NR1D1: variants seen among roughly 807,000 people sequenced by gnomAD.
NR1D1 encodes nuclear receptor subfamily 1 group D member 1, also known as Rev-ErbAalpha.
In NR1D1, 17 loss-of-function variants were observed where a neutral mutation model predicts 51.1. The observed-to-expected ratio is 0.33, with a 90% CI of 0.23 to 0.50. NR1D1 has a LOEUF of 0.50. NR1D1 is among the 20% of genes least tolerant of loss of function. NR1D1 has a pLI of 0.98. For missense variants in NR1D1, 647 were observed against 830.4 expected (o/e 0.78, Z 2.71); for synonymous variants, 341 against 333.4 (o/e 1.02, Z -0.25).
At position 40,096,995 on chromosome 17, in the gene NR1D1, C is replaced by T. The variant is rs778091793; in HGVS notation, c.370+70G>A. 2.1e-5 allele frequency: 30 copies of T among 1,437,318 alleles called. No homozygotes were observed. The Middle Eastern group carries it at 6.0e-4, about 29-fold the overall frequency. The allele number at this position is 1,437,318 out of a possible 1,614,324, so 89.0% of individuals were successfully genotyped here. On this transcript the variant is annotated intron_variant, in intron 2 of 7. Coordinates refer to ENST00000246672, the MANE Select transcript of NR1D1 (RefSeq NM_021724.5). ...ATAGGTCCTGGCAAGACTGGTGTCACGTAAAAACCCATTCCCAATCTGGCC... is the reference window on the plus strand; with the variant it reads ...ATAGGTCCTGGCAAGACTGGTGTCATGTAAAAACCCATTCCCAATCTGGCC...
At chr17:40,095,210 G>T in intron 5 of NR1D1, 90 bp from the exon 6 acceptor site, 1 of 1,353,656 alleles carries the variant, frequency 7.4e-7, no homozygotes, top group Non-Finnish European at 1.0e-6. Context: ...GATTCTGCCT[G>T]GGCTAGGGGC....
chr17:40,099,363 C>T (rs1987830942), intron 1 of NR1D1, among the ~76,000 whole-genome samples: 1 of 152,166 alleles, frequency 6.6e-6, no homozygotes, highest in African/African-American at 2.4e-5. Context: ...GGGCGGAGCT[C>T]ATTATGTAAC....
In NR1D1 at chr17:40,100,414, C is replaced by T. The variant is rs1365048362; in HGVS notation, c.-320G>A. ...TCTGCAGTGTACGGGGTGCCTCTGC[C>T]TGCCGGCTCCGCAGCGCTGCGGGGT... is the stretch of plus-strand genomic sequence containing the variant. On this transcript the variant is annotated 5_prime_UTR_variant, in exon 1 of 8. Coordinates refer to ENST00000246672, the MANE Select transcript of NR1D1 (RefSeq NM_021724.5). 5 of 464,956 alleles carry T rather than the reference C, an allele frequency of 1.1e-5. No individual in the cohort carries two copies. Among genetic ancestry groups the T allele is most frequent in the Middle Eastern group, 5.5e-4 (1 of 1,824 alleles). 28.8% of individuals were successfully genotyped at this position (464,956 alleles called of 1,614,324 possible).
At chr17:40,099,110 GCTGGGC>G (rs1478154598) in intron 1 of NR1D1, among the ~76,000 whole-genome samples, 57 of 151,924 alleles carry the variant, frequency 3.8e-4, no homozygotes, top group Non-Finnish European at 6.6e-4. Flanking sequence ...CAGGGCGGGA[GCTGGGC>G]CCTCAGCCGG....
intron 1 of NR1D1, among the ~76,000 whole-genome samples, chr17:40,099,566 C>G (rs1987835306): frequency 6.6e-6 from 1 of 152,090 alleles, no homozygotes; most frequent in Non-Finnish European, 1.5e-5. Context: ...CTGAGGATTC[C>G]CCAGTGAGAT....
chr17:40,099,997 T>C (rs892750498), intron 1 of NR1D1, 67 bp downstream of exon 1: 2 of 1,189,724 alleles, frequency 1.7e-6, no homozygotes, highest in African/African-American at 1.5e-5. Flanking sequence ...TTCCTCTTTT[T>C]ATAAGGCGTA....
chr17:40,097,044 A>G (rs1407369590), intron 2 of NR1D1, 21 bp downstream of exon 2: 1 of 1,565,044 alleles, frequency 6.4e-7, no homozygotes, highest in Admixed American at 1.9e-5. Context: ...CTTCCCCCGA[A>G]TCAGCTGGAA....
Position 40,096,060 on chromosome 17 carries a change from C to G in NR1D1, c.632G>C (p.Arg211Pro). The stretch of plus-strand genomic sequence containing the variant: ...CTCAGCAAGCATCCGCTGCTTCTCT[C>G]GTTTGGGGATGCGCCCAAAACGCAC... ...DAVRFGRIPKREKQRMLAEMQ... is the reference protein window; with the variant it reads ...DAVRFGRIPKPEKQRMLAEMQ... The change falls in exon 5 of 8, where the codon CGA (arginine) becomes CCA (proline). Residue 211 changes from arginine (R) to proline (P), a missense_variant. Physicochemically the swap from Arg to Pro is moderately radical, Grantham distance 103. This residue lies in a region of NR1D1 where 70 missense variants were observed against 134.8 expected (regional missense o/e 0.52). Coordinates refer to ENST00000246672, the MANE Select transcript of NR1D1 (RefSeq NM_021724.5). 1 of 1,612,756 alleles carries G rather than the reference C, an allele frequency of 6.2e-7. No homozygotes were observed. Among genetic ancestry groups the G allele is most frequent in the Non-Finnish European group, 8.5e-7 (1 of 1,179,982 alleles).
rs892615175 is a variant in NR1D1 at position 40,100,408 on chromosome 17, C to T, written c.-314G>A. The T allele has an allele frequency of 2.1e-6, 1 of 465,900 alleles. No homozygotes were observed. The highest frequency in any genetic ancestry group is 3.8e-6 in the Non-Finnish European group (1 of 262,502). The allele number at this position is 465,900 out of a possible 1,614,324, so 28.9% of individuals were successfully genotyped here. A position where few individuals can be genotyped will look rare whatever the true frequency, so the allele number is the denominator to read the frequency against. Reference sequence around the variant, plus strand: ...CGGGTCTCTGCAGTGTACGGGGTGCCTCTGCCTGCCGGCTCCGCAGCGCTG... The same window carrying T: ...CGGGTCTCTGCAGTGTACGGGGTGCTTCTGCCTGCCGGCTCCGCAGCGCTG... On this transcript the variant is annotated 5_prime_UTR_variant, in exon 1 of 8. Coordinates refer to ENST00000246672, the MANE Select transcript of NR1D1 (RefSeq NM_021724.5).
chr17:40,099,112 T>C lies in NR1D1; in HGVS notation c.31+952A>G, dbSNP rs1451573351. Among the ~76,000 whole-genome samples, 3 of 151,504 alleles carry C rather than the reference T, an allele frequency of 2.0e-5. No individual in the cohort carries two copies. In the South Asian group the frequency reaches 6.2e-4, roughly 32 times the overall value. ...CGGCGGGGCGGGGCAGGGCGGGAGC[T>C]GGGCCCTCAGCCGGCCTCACGTCCC... is the stretch of plus-strand genomic sequence containing the variant. On this transcript the variant is annotated intron_variant, in intron 1 of 7. Coordinates refer to ENST00000246672, the MANE Select transcript of NR1D1 (RefSeq NM_021724.5).
chr17:40,093,907 C>T lies in NR1D1; in HGVS notation c.1645+5G>A, dbSNP rs200631453. 1.9e-5 allele frequency: 30 copies of T among 1,611,770 alleles called. No individual in the cohort carries two copies. Among genetic ancestry groups the T allele is most frequent in the Non-Finnish European group, 2.5e-5 (30 of 1,179,980 alleles). On this transcript the variant is annotated splice_donor_5th_base_variant and intron_variant, in intron 7 of 7. Transcript: ENST00000246672. The surrounding 1 kb of genome is among the most constrained non-coding windows in gnomAD (Gnocchi z 5.9). ...TCCCCCGGGTCAGGCGAGAGCCTGA[C>T]CTACCTGCAGAGACAAGCACCACCG...
rs147554352 is a variant in NR1D1 at position 40,095,515 on chromosome 17, C to T, written c.1177G>A (p.Val393Met). Reference sequence around the variant, plus strand: ...GCCTTGCCTTCTGGGGCTGCATACACGTGGGTGGGGCATAGACGGTGCCCG... The same window carrying T: ...GCCTTGCCTTCTGGGGCTGCATACATGTGGGTGGGGCATAGACGGTGCCCG... Reference protein sequence around the residue: ...SNGHRLCPTHVYAAPEGKAPA... With the variant: ...SNGHRLCPTHMYAAPEGKAPA... Residue 393 changes from valine to methionine, a missense_variant, in exon 5 of 8, where the codon GTG (valine) becomes ATG (methionine). Val to Met is a conservative substitution (Grantham distance 21). Around this residue, in one of 7 missense-constraint regions of NR1D1, gnomAD observed 185 missense variants for 176.3 expected, o/e 1.05. Transcript: ENST00000246672. The T allele has an allele frequency of 3.8e-5, 60 of 1,580,502 alleles. No individual in the cohort carries two copies. The highest frequency in any genetic ancestry group is 2.1e-4 in the South Asian group (18 of 86,416).
In NR1D1 at chr17:40,093,826, TG is replaced by T; in HGVS notation, c.1645+85del. The T allele has an allele frequency of 8.1e-7, 1 of 1,239,066 alleles. No individual in the cohort carries two copies. The highest frequency in any genetic ancestry group is 1.2e-6 in the Non-Finnish European group (1 of 857,094). 76.8% of individuals were successfully genotyped at this position (1,239,066 alleles called of 1,614,324 possible). The stretch of plus-strand genomic sequence containing the variant: ...TATCCCCAGTGCCCGGTGCAGGGCC[TG>T]GCATAGAGTAGGTACTCCATAAAAG... On this transcript the variant is annotated intron_variant, in intron 7 of 7. Coordinates refer to ENST00000246672, the MANE Select transcript of NR1D1 (RefSeq NM_021724.5). This position sits in a 1 kb window ranked among gnomAD's most constrained non-coding sequence, Gnocchi z 5.9.
At chr17:40,095,259 A>G (rs1567659685) in intron 5 of NR1D1, 139 bp from the exon 6 acceptor site, 2 of 1,135,174 alleles carry the variant, frequency 1.8e-6, no homozygotes, top group Non-Finnish European at 2.5e-6. Flanking sequence ...TAAAGTAGCA[A>G]TTAGGTGCCA....
Position 40,095,486 on chromosome 17 carries a change from A to G in NR1D1, c.1206T>C (p.Pro402=), listed in dbSNP as rs1237154295. Residue 402 remains proline (P), a synonymous_variant, in exon 5 of 8, where the codon CCT becomes CCC. Transcript: ENST00000246672. ...HVYAAPEGKA[P]ANSPRQGNSK... is the part of the protein sequence containing the mutation. ...AGTTGCCCTGCCGGGGACTGTTGGC[A>G]GGTGCCTTGCCTTCTGGGGCTGCAT... 1 of 1,548,868 alleles carries G rather than the reference A, an allele frequency of 6.5e-7. No homozygotes were observed. Among genetic ancestry groups the G allele is most frequent in the Non-Finnish European group, 8.7e-7 (1 of 1,146,768 alleles).
chr17:40,096,680 G>A lies in NR1D1; in HGVS notation c.459+11C>T. 6.2e-7 allele frequency: 1 copy of A among 1,614,124 alleles called. No individual in the cohort carries two copies. Among genetic ancestry groups the A allele is most frequent in the Non-Finnish European group, 8.5e-7 (1 of 1,179,974 alleles). ...CCACCTGCCCCTGCCCTTACCCCCA[G>A]TCCGCCTCACCTTGCAGCCCTCGCA... On this transcript the variant is annotated intron_variant, in intron 3 of 7. Transcript: ENST00000246672.
chr17:40,096,153 T>TCCTC, intron 4 of NR1D1, 66 bp from the exon 5 acceptor site: 1 of 1,564,924 alleles, frequency 6.4e-7, no homozygotes, highest in Non-Finnish European at 8.7e-7. Context: ...CTTCCTTCCT[T>TCCTC]CCTCCTGAAA....
chr17:40,093,259 C>T lies in NR1D1; in HGVS notation c.1669G>A (p.Ala557Thr), dbSNP rs200077317. Residue 557 changes from alanine (A) to threonine (T), a missense_variant, in exon 8 of 8, where the codon GCT becomes ACT. By Grantham distance (58) the Ala-to-Thr change is moderately conservative. Transcript: ENST00000246672. The surrounding 1 kb of genome is among the most constrained non-coding windows in gnomAD (Gnocchi z 5.9). ...GTCTCCTGGAGCTGCTCCACCGAAG[C>T]GGAATTCTCCATGCCCGAGCGGTCT... ...SADRSGMENS[A>T]SVEQLQETLL... The T allele has an allele frequency of 8.7e-6, 14 of 1,613,618 alleles. No individual in the cohort carries two copies. The highest frequency in any genetic ancestry group is 1.0e-5 in the Non-Finnish European group (12 of 1,180,042).
chr17:40,097,435 A>AGCC, intron 1 of NR1D1, 32 bp from the exon 2 acceptor site: 1 of 1,544,884 alleles, frequency 6.5e-7, no homozygotes, highest in Non-Finnish European at 8.8e-7. Context: ...AGGGGGTGTC[A>AGCC]GCCGCCATGT....
Sources: allele counts gnomAD v4.1 joint callset (sites outside exome capture counted in the v4.1 genomes callset), GRCh38; gene constraint gnomAD v4.1.1; regional missense constraint gnomAD v4.1.1; non-coding constraint Gnocchi (gnomAD v3.1); transcripts MANE v1.5; gene names NCBI Gene and HGNC (gene_info 2026-07-23, HGNC 2026-07-21).